Variants in UTP20 observed in about 807,000 individuals in gnomAD.
UTP20 encodes small subunit processome component 20 homolog.
Under a neutral mutation model 329.5 loss-of-function variants are expected in UTP20, and 164 were observed. That is an observed-to-expected ratio of 0.50 (90% CI 0.44 to 0.57). The LOEUF (loss-of-function observed/expected upper bound fraction) is 0.57, where lower values mean the gene tolerates loss of function less well. Ranked by LOEUF, UTP20 falls within the 20% of genes least tolerant of loss-of-function variation. The pLI is 0.00. For synonymous variants in UTP20, 1,151 were observed against 1,159.3 expected (o/e 0.99, Z 0.14); for missense variants, 3,055 against 3,284.2 (o/e 0.93, Z 1.71).
At chr12:101,340,922 AGTGCATT>A (rs1243521349) in intron 32 of UTP20, among the ~76,000 whole-genome samples, 3 of 129,760 alleles carry the variant, frequency 2.3e-5, no homozygotes, top group Non-Finnish European at 3.3e-5. Flanking sequence ...GAACCCAAGA[AGTGCATT>A]GTGTAATCTT....
At chr12:101,306,824 T>A in intron 17 of UTP20, 63 bp downstream of exon 17, 1 of 1,420,210 alleles carries the variant, frequency 7.0e-7, no homozygotes. Flanking sequence ...TATTGTGGTT[T>A]CCAAAATGAT....
In UTP20 at chr12:101,366,187, G is replaced by A. The variant is rs144890044; in HGVS notation, c.6126-371G>A. ...GCGGAGGTTGGAGTGAGCCGAGATC[G>A]CGCCACTGTACTCCAGGCTGGGCAA... On this transcript the variant is annotated intron_variant, in intron 46 of 61. Coordinates refer to ENST00000261637, the MANE Select transcript of UTP20 (RefSeq NM_014503.3). Among the ~76,000 whole-genome samples, 1,055 of 152,130 alleles carry A rather than the reference G, an allele frequency of 6.9e-3. 10 individuals are homozygous for A. Among genetic ancestry groups the A allele is most frequent in the African/African-American group, 0.024 (988 of 41,516 alleles).
chr12:101,351,254 G>A (rs1485676498), intron 38 of UTP20, among the ~76,000 whole-genome samples: 1 of 152,034 alleles, frequency 6.6e-6, no homozygotes, highest in Admixed American at 6.6e-5. Flanking sequence ...AGCCTCCTGA[G>A]TAGCTGGGAT....
chr12:101,332,229 C>T (rs1383502167), intron 27 of UTP20, among the ~76,000 whole-genome samples: 9 of 152,034 alleles, frequency 5.9e-5, no homozygotes, highest in African/African-American at 1.4e-4. Context: ...CCCAGCTACT[C>T]GGGAGGCTGA....
intron 54 of UTP20, 62 bp downstream of exon 54, chr12:101,373,829 G>A (rs878932246): frequency 3.9e-6 from 6 of 1,543,930 alleles, no homozygotes; most frequent in South Asian, 3.6e-5. Context: ...CATAGTTTAA[G>A]TAAGAATATA....
At chr12:101,305,869 C>G in intron 15 of UTP20, 46 bp from the exon 16 acceptor site, 1 of 1,484,038 alleles carries the variant, frequency 6.7e-7, no homozygotes. Context: ...TCTAGATACT[C>G]TGGGTTATAT....
At chr12:101,378,459 C>A (rs536092739) in intron 56 of UTP20, among the ~76,000 whole-genome samples, 1 of 152,146 alleles carries the variant, frequency 6.6e-6, no homozygotes, top group African/African-American at 2.4e-5. Flanking sequence ...CACAGTGGCT[C>A]ACACCTGTAA....
chr12:101,314,913 G>A (rs917569531), intron 21 of UTP20, among the ~76,000 whole-genome samples: 2 of 151,510 alleles, frequency 1.3e-5, no homozygotes, highest in Middle Eastern at 3.5e-3. Flanking sequence ...CCAGCCTAGT[G>A]AAATCCCGTC....
chr12:101,301,242 G>A (rs1872513992), intron 14 of UTP20, among the ~76,000 whole-genome samples: 1 of 152,104 alleles, frequency 6.6e-6, no homozygotes, highest in Admixed American at 6.6e-5. Flanking sequence ...TAATTATGTT[G>A]GATATCATGG....
Position 101,320,362 on chromosome 12 carries a change from C to T in UTP20, c.2830-490C>T, listed in dbSNP as rs370038429. 7.2e-5 allele frequency among the ~76,000 whole-genome samples: 11 copies of T among 152,092 alleles called. No homozygotes were observed. The East Asian group carries it at 2.1e-3, about 29-fold the overall frequency. ...CCTGAGCTCAGGAGTTCGAGACCAG[C>T]CTGGGTAACATGGTGAAACTGCGTC... On this transcript the variant is annotated intron_variant, in intron 23 of 61. Coordinates refer to ENST00000261637, the MANE Select transcript of UTP20 (RefSeq NM_014503.3).
At chr12:101,359,553 T>C (rs1274076175) in intron 43 of UTP20, among the ~76,000 whole-genome samples, 3 of 152,060 alleles carry the variant, frequency 2.0e-5, no homozygotes, top group Non-Finnish European at 4.4e-5. Flanking sequence ...TTGGATAATT[T>C]CTTTCAGTCT....
intron 32 of UTP20, among the ~76,000 whole-genome samples, chr12:101,340,842 A>G (rs1305968872): frequency 6.6e-6 from 1 of 151,856 alleles, no homozygotes. Flanking sequence ...ACAACAAAGT[A>G]CTAGCCCCTT....
At chr12:101,339,703 G>A (rs1593439272) in intron 31 of UTP20, among the ~76,000 whole-genome samples, 2 of 152,214 alleles carry the variant, frequency 1.3e-5, no homozygotes, top group South Asian at 4.2e-4. Flanking sequence ...AGTCTGTTTG[G>A]CAGTAGACCT....
intron 10 of UTP20, 146 bp downstream of exon 10, chr12:101,292,250 T>A: frequency 2.1e-6 from 2 of 941,650 alleles, no homozygotes; most frequent in Non-Finnish European, 3.1e-6. Flanking sequence ...TTGCATGCAG[T>A]AATGTAAATA....
At chr12:101,368,552 C>A (rs567695310) in intron 48 of UTP20, among the ~76,000 whole-genome samples, 1 of 152,144 alleles carries the variant, frequency 6.6e-6, no homozygotes, top group African/African-American at 2.4e-5. Flanking sequence ...GTTCTAAAAG[C>A]CCTCCTAGGT....
intron 21 of UTP20, among the ~76,000 whole-genome samples, chr12:101,312,780 T>C (rs938443808): frequency 6.6e-6 from 1 of 152,206 alleles, no homozygotes; most frequent in Admixed American, 6.5e-5. Flanking sequence ...TTTCAAATCA[T>C]TGGCACAGCT....
chr12:101,386,329 C>T lies in UTP20; in HGVS notation c.*206C>T. ...TCAAGTGATCCTCTCACCTCAGCCT[C>T]CCAAGTAGTTGTGCCTCCTAGGCAC... On this transcript the variant is annotated 3_prime_UTR_variant, in exon 62 of 62. Coordinates refer to ENST00000261637, the MANE Select transcript of UTP20 (RefSeq NM_014503.3). 2.2e-6 allele frequency: 1 copy of T among 448,116 alleles called. No individual in the cohort carries two copies. The highest frequency in any genetic ancestry group is 3.9e-5 in the East Asian group (1 of 25,808). The allele number at this position is 448,116 out of a possible 1,614,324, so 27.8% of individuals were successfully genotyped here. A position where few individuals can be genotyped will look rare whatever the true frequency, so the allele number is the denominator to read the frequency against.
At chr12:101,288,900 A>G in intron 5 of UTP20, 60 bp from the exon 6 acceptor site, 2 of 1,415,916 alleles carry the variant, frequency 1.4e-6, no homozygotes, top group African/African-American at 1.4e-5. Context: ...GTTGACATGT[A>G]GTATGTATTT....
chr12:101,343,113 T>TA lies in UTP20; in HGVS notation c.4449+20_4449+21insA. 1.9e-6 allele frequency: 3 copies of TA among 1,540,718 alleles called. No homozygotes were observed. The highest frequency in any genetic ancestry group is 2.6e-6 in the Non-Finnish European group (3 of 1,132,118). ...CTAGAGGTAGGTTATTATAGCAAAA[T>TA]TTTTAAATTATTTTTTATTGTTTTG... On this transcript the variant is annotated intron_variant, in intron 35 of 61. Transcript: ENST00000261637.
Sources: gnomAD v4.1 joint callset for allele counts (sites outside exome capture counted in the v4.1 genomes callset) on GRCh38, gnomAD v4.1.1 for gene constraint, MANE v1.5 for transcripts, NCBI Gene and HGNC (gene_info 2026-07-23, HGNC 2026-07-21) for gene names.